The following TENM3 variants were observed in gnomAD, a reference collection of about 807,000 sequenced individuals.
The protein encoded by TENM3 is teneurin-3.
TENM3 carries 63 observed loss-of-function variants against 255.1 expected under a neutral mutation model. That is an observed-to-expected ratio of 0.25 (90% CI 0.20 to 0.30). TENM3 has a LOEUF of 0.30. TENM3 is among the 10% of genes least tolerant of loss of function. The pLI is 1.00. For missense variants in TENM3, 2,929 were observed against 3,461.1 expected, an observed-to-expected ratio of 0.85 and a Z score of 3.86; for synonymous variants, 1,306 against 1,322.3, an observed-to-expected ratio of 0.99 and a Z score of 0.27.
chr4:182,553,680 CCT>C (rs1425821222), intron 3 of TENM3, among the ~76,000 whole-genome samples: 1 of 152,148 alleles, frequency 6.6e-6, no homozygotes, highest in East Asian at 1.9e-4. Flanking sequence ...GTTAATGCCT[CCT>C]CTCATTTAGA....
intron 6 of TENM3, 36 bp from the exon 7 acceptor site, chr4:182,672,969 A>C (rs1755342276): frequency 7.1e-7 from 1 of 1,405,752 alleles, no homozygotes; most frequent in Admixed American, 2.5e-5. Context: ...TTTTTAAAAA[A>C]AATTTGTTCT....
the TENM3 span, among the ~76,000 whole-genome samples, chr4:181,482,783 G>C: frequency 6.6e-6 from 1 of 152,148 alleles, no homozygotes; most frequent in South Asian, 2.1e-4. Context: ...TTATATGTCT[G>C]CATGATTTAC....
intron 4 of TENM3, among the ~76,000 whole-genome samples, chr4:182,615,829 C>T (rs1321936023): frequency 6.6e-6 from 1 of 152,110 alleles, no homozygotes; most frequent in Non-Finnish European, 1.5e-5. Context: ...CTCATTTGTT[C>T]TAAATTGACT....
the TENM3 span, among the ~76,000 whole-genome samples, chr4:181,701,657 A>T: frequency 6.6e-6 from 1 of 152,216 alleles, no homozygotes; most frequent in African/African-American, 2.4e-5. Context: ...GCTTGCCTTT[A>T]TAGTGAAAGA....
At chr4:181,874,604 A>G in the TENM3 span, 14 of 152,418 alleles carry the variant, frequency 9.2e-5, no homozygotes, top group African/African-American at 3.4e-4. Flanking sequence ...AGAATAGCCA[A>G]TGCCTGCTTG....
At chr4:181,843,324 C>G in the TENM3 span, among the ~76,000 whole-genome samples, 1 of 152,244 alleles carries the variant, frequency 6.6e-6, no homozygotes, top group Admixed American at 6.5e-5. Context: ...GCCTGGGGAC[C>G]AACTTAGGGT....
chr4:181,929,387 C>A, the TENM3 span, among the ~76,000 whole-genome samples: 7 of 151,388 alleles, frequency 4.6e-5, no homozygotes, highest in Admixed American at 4.6e-4. Context: ...CAATCCTAGT[C>A]TCTGGTAAAA....
At chr4:181,605,581 A>AGAGAGAGAGAGAGAG in the TENM3 span, among the ~76,000 whole-genome samples, 10 of 33,796 alleles carry the variant, frequency 3.0e-4, no homozygotes, top group African/African-American at 5.9e-4. Flanking sequence ...AGAGAGAAAG[A>AGAGAGAGAGAGAGAG]AAGGAAAGAA....
intron 3 of TENM3, among the ~76,000 whole-genome samples, chr4:182,595,986 C>T (rs1747179656): frequency 6.6e-6 from 1 of 151,368 alleles, no homozygotes. Context: ...AGAAATATTC[C>T]TAAACTCCAG....
intron 3 of TENM3, among the ~76,000 whole-genome samples, chr4:182,491,565 C>T (rs976891152): frequency 1.3e-5 from 2 of 151,974 alleles, no homozygotes; most frequent in Admixed American, 1.3e-4. Flanking sequence ...ATGGTAGTGG[C>T]GGATAGTGTT....
chr4:182,362,115 T>C (rs919515510), intron 3 of TENM3, among the ~76,000 whole-genome samples: 29 of 152,106 alleles, frequency 1.9e-4, no homozygotes, highest in Admixed American at 1.8e-3. Context: ...TTTGAGGTGT[T>C]AGTCTGCCCC....
At chr4:182,265,095 C>T (rs1579952121) in intron 1 of TENM3, among the ~76,000 whole-genome samples, 3 of 152,108 alleles carry the variant, frequency 2.0e-5, no homozygotes, top group Admixed American at 2.0e-4. Context: ...CTGTTTTCCT[C>T]ATGAAATCCC....
At chr4:181,558,614 C>G in the TENM3 span, among the ~76,000 whole-genome samples, 1 of 152,164 alleles carries the variant, frequency 6.6e-6, no homozygotes, top group African/African-American at 2.4e-5. Context: ...GGGAGGACCC[C>G]TCCAGAGCAT....
chr4:181,768,263 A>G, the TENM3 span, among the ~76,000 whole-genome samples: 1 of 152,166 alleles, frequency 6.6e-6, no homozygotes, highest in Non-Finnish European at 1.5e-5. Flanking sequence ...GGAATTGAGG[A>G]GGGATTTGTG....
chr4:182,375,803 C>T lies in TENM3; in HGVS notation c.511+28874C>T, dbSNP rs1283070857. Among the ~76,000 whole-genome samples, 8 of 152,162 alleles carry T rather than the reference C, an allele frequency of 5.3e-5. 1 individual carries two copies. Among genetic ancestry groups the T allele is most frequent in the Non-Finnish European group, 8.8e-5 (6 of 68,034 alleles). ...AGGTGATCCACCTGCCTCAGCCTCC[C>T]AAAGTGCTGGGGTTACAAGTGTGAG... On this transcript the variant is annotated intron_variant, in intron 3 of 27. Coordinates refer to ENST00000511685, the MANE Select transcript of TENM3 (RefSeq NM_001080477.4).
At chr4:182,057,980 A>G in the TENM3 span, among the ~76,000 whole-genome samples, 1 of 152,036 alleles carries the variant, frequency 6.6e-6, no homozygotes, top group East Asian at 1.9e-4. Context: ...TATGTCATTG[A>G]CCATGTTAAA....
At chr4:181,525,990 A>G in the TENM3 span, among the ~76,000 whole-genome samples, 1 of 152,226 alleles carries the variant, frequency 6.6e-6, no homozygotes, top group East Asian at 1.9e-4. Flanking sequence ...TAAATACAGA[A>G]GGTTTGAGAG....
intron 1 of TENM3, among the ~76,000 whole-genome samples, chr4:182,244,011 T>C (rs909425513): frequency 7.0e-5 from 10 of 142,520 alleles, no homozygotes; most frequent in African/African-American, 2.4e-4. Context: ...TGGAGTGCAG[T>C]GGCGTGACCT....
At chr4:181,677,706 C>T in the TENM3 span, among the ~76,000 whole-genome samples, 1 of 152,074 alleles carries the variant, frequency 6.6e-6, no homozygotes, top group South Asian at 2.1e-4. Context: ...AATGCCTTTT[C>T]GTTTTTCTTT....
Sources: gnomAD v4.1 joint callset for allele counts (sites outside exome capture counted in the v4.1 genomes callset) on GRCh38, gnomAD v4.1.1 for gene constraint, MANE v1.5 for transcripts, NCBI Gene and HGNC (gene_info 2026-07-23, HGNC 2026-07-21) for gene names.